Variants in C12orf43 observed in about 807,000 individuals in gnomAD.
The protein encoded by C12orf43 is protein CUSTOS.
A neutral mutation model predicts 20.6 loss-of-function variants in C12orf43; 15 were observed. The ratio of observed to expected loss-of-function variants is 0.73; its 90% CI spans 0.49 to 1.12. The LOEUF is 1.12. Among genes scored for constraint, C12orf43 ranks in the 50% most tolerant of loss-of-function variants. The pLI is 0.00. For synonymous variants in C12orf43, 144 were observed against 130.8 expected, an observed-to-expected ratio of 1.10 and a Z score of -0.69; for missense variants, 334 against 344.4, an observed-to-expected ratio of 0.97 and a Z score of 0.24.
At position 121,006,385 on chromosome 12, in the gene C12orf43, G is replaced by T; in HGVS notation, c.297C>A (p.Thr99=). The T allele has an allele frequency of 6.2e-7, 1 of 1,613,984 alleles. No individual in the cohort carries two copies. Among genetic ancestry groups the T allele is most frequent in the Non-Finnish European group, 8.5e-7 (1 of 1,179,846 alleles). ...KLGALLDSFI[T]ISEAAKEPAK... is the part of the protein sequence containing the mutation. ...CTGGCTCCTTTGCTGCTTCTGAGAT[G>T]GTAATGAAGCTACAGGGAGACGAGA... is the stretch of plus-strand genomic sequence containing the variant. The change falls in exon 4 of 6, where the codon ACC becomes ACA. Residue 99 remains threonine, a synonymous_variant. Coordinates refer to ENST00000288757, the MANE Select transcript of C12orf43 (RefSeq NM_022895.3).
At chr12:121,015,531 G>GT (rs1441051143) in intron 1 of C12orf43, among the ~76,000 whole-genome samples, 4 of 152,214 alleles carry the variant, frequency 2.6e-5, no homozygotes, top group African/African-American at 9.6e-5. Context: ...TATCATGATA[G>GT]TAAACAACCA....
chr12:121,001,439 G>A lies in C12orf43; in HGVS notation c.*2714C>T. 1 of 549,050 alleles carries A rather than the reference G, an allele frequency of 1.8e-6. No homozygotes were observed. Among genetic ancestry groups the A allele is most frequent in the Admixed American group, 3.1e-5 (1 of 32,218 alleles). The allele number at this position is 549,050 out of a possible 1,614,324, so 34.0% of individuals were successfully genotyped here. A position where few individuals can be genotyped will look rare whatever the true frequency, so the allele number is the denominator to read the frequency against. ...CTAGGAGCAAAGCCTGTTCATGGCA[G>A]ATGTAGGAGGGACTGTCGCTGCTTC... is the stretch of plus-strand genomic sequence containing the variant. On this transcript the variant is annotated 3_prime_UTR_variant, in exon 6 of 6. Transcript: ENST00000288757.
At chr12:121,008,946 A>T (rs1878227043) in intron 3 of C12orf43, among the ~76,000 whole-genome samples, 2 of 152,234 alleles carry the variant, frequency 1.3e-5, no homozygotes, top group Non-Finnish European at 2.9e-5. Flanking sequence ...TGCTGGGCTA[A>T]ACAGTTACAC....
chr12:121,001,858 C>A lies in C12orf43; in HGVS notation c.*2295G>T. On this transcript the variant is annotated 3_prime_UTR_variant, in exon 6 of 6. Transcript: ENST00000288757. ...GGCAGGGCTCTCCTGGCTTCCCATCCCCAGCGATTCCCTCTCCCAGGCCCC... is the reference window on the plus strand; with the variant it reads ...GGCAGGGCTCTCCTGGCTTCCCATCACCAGCGATTCCCTCTCCCAGGCCCC... The A allele has an allele frequency of 1.9e-6, 1 of 521,730 alleles. No individual in the cohort carries two copies. 32.3% of individuals were successfully genotyped at this position (521,730 alleles called of 1,614,324 possible). A position where few individuals can be genotyped will look rare whatever the true frequency, so the allele number is the denominator to read the frequency against.
chr12:121,004,026 C>A lies in C12orf43; in HGVS notation c.*127G>T, dbSNP rs1198095675. The A allele has an allele frequency of 9.5e-7, 1 of 1,055,824 alleles. No homozygotes were observed. Among genetic ancestry groups the A allele is most frequent in the Non-Finnish European group, 1.5e-6 (1 of 686,396 alleles). 65.4% of individuals were successfully genotyped at this position (1,055,824 alleles called of 1,614,324 possible). On this transcript the variant is annotated 3_prime_UTR_variant, in exon 6 of 6. Transcript: ENST00000288757. This position sits in a 1 kb window ranked among gnomAD's most constrained non-coding sequence, Gnocchi z 5.6. ...TTCATCACCATCAGGGTCTCATGGG[C>A]AGTCTGGGTTTGCCAGCCCAGTCCT...
intron 1 of C12orf43, among the ~76,000 whole-genome samples, chr12:121,015,781 C>T (rs1868843051): frequency 6.6e-6 from 1 of 152,168 alleles, no homozygotes; most frequent in Admixed American, 6.5e-5. Context: ...GCTTGCAAGA[C>T]GGAAAGAGAT....
intron 1 of C12orf43, among the ~76,000 whole-genome samples, chr12:121,014,356 C>T (rs187859859): frequency 3.4e-5 from 5 of 149,252 alleles, no homozygotes; most frequent in African/African-American, 7.4e-5. Context: ...AGACCAGGCG[C>T]GGTGGCTCAC....
chr12:121,006,604 T>G, intron 3 of C12orf43: 1 of 548,422 alleles, frequency 1.8e-6, no homozygotes, highest in South Asian at 2.0e-5. Flanking sequence ...TAAAGCCCAC[T>G]TTATTCCAGT....
In C12orf43 at chr12:121,002,427, C is replaced by A. The variant is rs1039663997; in HGVS notation, c.*1726G>T. 1.9e-6 allele frequency: 1 copy of A among 531,496 alleles called. No homozygotes were observed. The highest frequency in any genetic ancestry group is 3.6e-6 in the Non-Finnish European group (1 of 273,998). 32.9% of individuals were successfully genotyped at this position (531,496 alleles called of 1,614,324 possible). The stretch of plus-strand genomic sequence containing the variant: ...ATTCAGGAAAAGGCCTGGGGTGACC[C>A]GGCACCCCCTGCAGCTTGTAGCCAG... On this transcript the variant is annotated 3_prime_UTR_variant, in exon 6 of 6. Transcript: ENST00000288757.
Position 121,005,174 on chromosome 12 carries a change from A to G in C12orf43, c.362-81T>C. The G allele has an allele frequency of 1.2e-6, 1 of 822,928 alleles. No individual in the cohort carries two copies. The highest frequency in any genetic ancestry group is 1.7e-6 in the Non-Finnish European group (1 of 601,794). 51.0% of individuals were successfully genotyped at this position (822,928 alleles called of 1,614,324 possible). ...AAAAAAATAAAAAATAAAGAAACAA[A>G]AAAGAAAAAAATTTTAAAAAGGAAA... On this transcript the variant is annotated intron_variant, in intron 4 of 5. Transcript: ENST00000288757. This position sits in a 1 kb window ranked among gnomAD's most constrained non-coding sequence, Gnocchi z 5.6.
intron 1 of C12orf43, among the ~76,000 whole-genome samples, chr12:121,013,388 C>T (rs1868583441): frequency 6.6e-6 from 1 of 152,172 alleles, no homozygotes; most frequent in African/African-American, 2.4e-5. Flanking sequence ...CTGTGTGATG[C>T]CGGGCAAGTC....
Position 121,005,138 on chromosome 12 carries a change from A to G in C12orf43, c.362-45T>C. 6 of 969,384 alleles carry G rather than the reference A, an allele frequency of 6.2e-6. No individual in the cohort carries two copies. The highest frequency in any genetic ancestry group is 8.3e-6 in the Non-Finnish European group (6 of 724,642). 60.0% of individuals were successfully genotyped at this position (969,384 alleles called of 1,614,324 possible). On this transcript the variant is annotated intron_variant, in intron 4 of 5. Transcript: ENST00000288757. The surrounding 1 kb of genome is among the most constrained non-coding windows in gnomAD (Gnocchi z 5.6). Reference sequence around the variant, plus strand: ...AGTCAAACAAAAACAAAACAAAACAAAAAGAAACATAAAAAAATAAAAAAT... The same window carrying G: ...AGTCAAACAAAAACAAAACAAAACAGAAAGAAACATAAAAAAATAAAAAAT...
Position 121,004,156 on chromosome 12 carries a change from G to C in C12orf43, c.786C>G (p.Asn262Lys). The C allele has an allele frequency of 6.2e-7, 1 of 1,614,204 alleles. No individual in the cohort carries two copies. The highest frequency in any genetic ancestry group is 8.5e-7 in the Non-Finnish European group (1 of 1,180,024). ...PAKSATAIPA[N>K] ...AGCCCTGTGCCCATGGCTGGGTTCA[G>C]TTTGCAGGTATAGCTGTAGCACTCT... The change falls in exon 6 of 6, where the codon AAC becomes AAG. Residue 262 changes from asparagine to lysine, a missense_variant. By Grantham distance (94) the Asn-to-Lys change is moderately conservative. Transcript: ENST00000288757. The surrounding 1 kb of genome is among the most constrained non-coding windows in gnomAD (Gnocchi z 5.6).
At chr12:121,007,991 G>C (rs1210057481) in intron 3 of C12orf43, among the ~76,000 whole-genome samples, 1 of 146,040 alleles carries the variant, frequency 6.8e-6, no homozygotes, top group African/African-American at 2.6e-5. Context: ...CATCTAGTAG[G>C]TAGAGGCCAG....
intron 3 of C12orf43, 138 bp from the exon 4 acceptor site, chr12:121,006,532 G>T: frequency 1.3e-6 from 1 of 767,750 alleles, no homozygotes; most frequent in Non-Finnish European, 2.2e-6. Context: ...TAAGAGGGCT[G>T]ATGGTCTGGT....
chr12:121,013,608 G>A (rs1405364461), intron 1 of C12orf43, among the ~76,000 whole-genome samples: 1 of 152,220 alleles, frequency 6.6e-6, no homozygotes, highest in African/African-American at 2.4e-5. Context: ...AGAAAAATAA[G>A]TCAAAGTAGA....
Position 121,001,823 on chromosome 12 carries a change from A to G in C12orf43, c.*2330T>C. 1 of 534,678 alleles carries G rather than the reference A, an allele frequency of 1.9e-6. No homozygotes were observed. 33.1% of individuals were successfully genotyped at this position (534,678 alleles called of 1,614,324 possible). A position where few individuals can be genotyped will look rare whatever the true frequency, so the allele number is the denominator to read the frequency against. On this transcript the variant is annotated 3_prime_UTR_variant, in exon 6 of 6. Coordinates refer to ENST00000288757, the MANE Select transcript of C12orf43 (RefSeq NM_022895.3). ...TGAGCCCAGGGAGGCCGAAGCTAAC[A>G]GGGAAGGCAGGCAGGGCTCTCCTGG...
chr12:121,016,122 T>C, intron 1 of C12orf43: 2 of 782,600 alleles, frequency 2.6e-6, no homozygotes, highest in East Asian at 2.7e-5. Flanking sequence ...AAAAGACATT[T>C]GGGTACCTCA....
chr12:121,006,599 C>G, intron 3 of C12orf43: 1 of 557,302 alleles, frequency 1.8e-6, no homozygotes, highest in Non-Finnish European at 3.2e-6. Flanking sequence ...TTCTTTAAAG[C>G]CCACTTTATT....
Sources: gnomAD v4.1 joint callset for allele counts (sites outside exome capture counted in the v4.1 genomes callset) on GRCh38, gnomAD v4.1.1 for gene constraint, Gnocchi (gnomAD v3.1) non-coding constraint, MANE v1.5 for transcripts, NCBI Gene and HGNC (gene_info 2026-07-23, HGNC 2026-07-21) for gene names.